CNTNAP5: variants seen among roughly 807,000 people sequenced by gnomAD.
CNTNAP5 encodes the protein contactin associated protein family member 5, also known as contactin-associated protein-like 5.
A neutral mutation model predicts 150.2 loss-of-function variants in CNTNAP5; 72 were observed. That is an observed-to-expected ratio of 0.48 (90% confidence interval 0.40 to 0.58). The LOEUF (loss-of-function observed/expected upper bound fraction) is 0.58, where lower values mean the gene tolerates loss of function less well. Ranked by LOEUF, CNTNAP5 falls within the 20% of genes least tolerant of loss-of-function variation. The probability of loss-of-function intolerance (pLI) is 0.00; values close to 1 mark genes in which losing one functional copy is unlikely to be tolerated. For missense variants in CNTNAP5, 1,636 were observed against 1,626.2 expected, an observed-to-expected ratio of 1.01 and a Z score of -0.10; for synonymous variants, 672 against 619.8, an observed-to-expected ratio of 1.08 and a Z score of -1.25.
intron 1 of CNTNAP5, among the ~76,000 whole-genome samples, chr2:124,048,916 T>A (rs902354365): frequency 2.0e-5 from 3 of 152,264 alleles, no homozygotes; most frequent in African/African-American, 4.8e-5. Context: ...ATGAGTGTTA[T>A]GCAATACGTT....
chr2:124,625,464 C>T (rs185791993), intron 12 of CNTNAP5, among the ~76,000 whole-genome samples: 4 of 152,126 alleles, frequency 2.6e-5, no homozygotes, highest in Admixed American at 1.3e-4. Context: ...GTATAGTATA[C>T]ATAGTATAGT....
chr2:124,780,439 C>T (rs573084535), intron 17 of CNTNAP5, among the ~76,000 whole-genome samples: 91 of 152,318 alleles, frequency 6.0e-4, no homozygotes, highest in African/African-American at 2.2e-3. Context: ...TGTCTCCACA[C>T]ACTAGTGTAC....
rs111970419 is a variant in CNTNAP5 at position 124,800,061 on chromosome 2, G to A, written c.3217+1741G>A. Among the ~76,000 whole-genome samples the A allele has an allele frequency of 1.2e-3, 186 of 152,310 alleles. 1 individual carries two copies. Among genetic ancestry groups the A allele is most frequent in the African/African-American group, 4.4e-3 (181 of 41,578 alleles). ...TTGTGAGGGTGATAAAGCTGACTGA[G>A]GACACTGAGGCATGGAGAAGTTCAG... On this transcript the variant is annotated intron_variant, in intron 19 of 23. Coordinates refer to ENST00000682447, the MANE Select transcript of CNTNAP5 (RefSeq NM_001367498.1).
chr2:124,261,318 A>G (rs1573874317), intron 3 of CNTNAP5, among the ~76,000 whole-genome samples: 1 of 152,216 alleles, frequency 6.6e-6, no homozygotes, highest in South Asian at 2.1e-4. Flanking sequence ...AACTCCCAAC[A>G]ATCTTCCCTC....
intron 2 of CNTNAP5, among the ~76,000 whole-genome samples, chr2:124,224,902 A>G (rs1006227988): frequency 3.9e-5 from 6 of 152,154 alleles, no homozygotes; most frequent in African/African-American, 1.4e-4. Context: ...CTGTCTATGC[A>G]CTGACATGGC....
intron 11 of CNTNAP5, among the ~76,000 whole-genome samples, chr2:124,602,814 A>G (rs183958971): frequency 6.6e-6 from 1 of 152,314 alleles, no homozygotes; most frequent in African/African-American, 2.4e-5. Context: ...TTAGAAACAA[A>G]TTGTGGACAT....
chr2:124,311,780 A>G (rs1408961148), intron 3 of CNTNAP5, among the ~76,000 whole-genome samples: 4 of 152,342 alleles, frequency 2.6e-5, no homozygotes, highest in Non-Finnish European at 5.9e-5. Context: ...AGCTGTCTAT[A>G]TGATGAACTC....
chr2:124,594,977 A>G (rs1696790857), intron 11 of CNTNAP5, among the ~76,000 whole-genome samples: 1 of 113,944 alleles, frequency 8.8e-6, no homozygotes, highest in Admixed American at 1.0e-4. Flanking sequence ...TGATTTTTGT[A>G]CATTGATTTT....
At position 124,473,995 on chromosome 2, in the gene CNTNAP5, A is replaced by T. The variant is rs149224975; in HGVS notation, c.919-744A>T. On this transcript the variant is annotated intron_variant, in intron 6 of 23. Transcript: ENST00000682447. ...GTTTTTGCCATTACTTTTAGTGACA[A>T]AAACCGCAGTTGCTTTTGCCTCAAC... 1.6e-3 allele frequency among the ~76,000 whole-genome samples: 241 copies of T among 152,156 alleles called. 2 individuals carry two copies. The highest frequency in any genetic ancestry group is 9.6e-3 in the Admixed American group (146 of 15,244).
intron 14 of CNTNAP5, among the ~76,000 whole-genome samples, chr2:124,748,956 C>A (rs951837498): frequency 3.9e-5 from 6 of 152,258 alleles, no homozygotes; most frequent in South Asian, 4.1e-4. Flanking sequence ...CTCATTATTG[C>A]GGATGCCTAC....
chr2:124,428,909 C>T (rs1394879242), intron 4 of CNTNAP5, among the ~76,000 whole-genome samples: 2 of 152,100 alleles, frequency 1.3e-5, no homozygotes, highest in Non-Finnish European at 2.9e-5. Flanking sequence ...AGTGATCACA[C>T]ATTTCCCATC....
intron 13 of CNTNAP5, among the ~76,000 whole-genome samples, chr2:124,688,794 G>T (rs534618771): frequency 1.3e-5 from 2 of 152,206 alleles, no homozygotes; most frequent in African/African-American, 4.8e-5. Context: ...ACATCTGAGA[G>T]TTAATTATTA....
Position 124,742,469 on chromosome 2 carries a change from C to T in CNTNAP5, c.2078-4760C>T, listed in dbSNP as rs533459995. 2.6e-5 allele frequency among the ~76,000 whole-genome samples: 4 copies of T among 152,174 alleles called. No homozygotes were observed. In the South Asian group the frequency reaches 8.3e-4, roughly 32 times the overall value. On this transcript the variant is annotated intron_variant, in intron 13 of 23. Coordinates refer to ENST00000682447, the MANE Select transcript of CNTNAP5 (RefSeq NM_001367498.1). ...TAGGGAGATCCTGAGAAGGTTCCAG[C>T]ACTCAATGCTGACATTGCGTTGTGC...
chr2:124,486,722 A>G (rs1693888713), intron 7 of CNTNAP5, among the ~76,000 whole-genome samples: 1 of 152,218 alleles, frequency 6.6e-6, no homozygotes, highest in African/African-American at 2.4e-5. Context: ...CCACAAGTAT[A>G]GGCCTAGGCT....
At position 124,122,940 on chromosome 2, in the gene CNTNAP5, T is replaced by A. The variant is rs114831234; in HGVS notation, c.82+97208T>A. 2.9e-3 allele frequency among the ~76,000 whole-genome samples: 442 copies of A among 151,780 alleles called. 5 individuals carry two copies. The highest frequency in any genetic ancestry group is 0.01 in the African/African-American group (424 of 41,428). On this transcript the variant is annotated intron_variant, in intron 1 of 23. Coordinates refer to ENST00000682447, the MANE Select transcript of CNTNAP5 (RefSeq NM_001367498.1). The stretch of plus-strand genomic sequence containing the variant: ...TATCTCACATTAAGAAGCAGATGAG[T>A]TTTTTTCAGTCCAAGATGGCCAAAT...
intron 3 of CNTNAP5, among the ~76,000 whole-genome samples, chr2:124,271,539 T>C (rs1687751710): frequency 6.6e-6 from 1 of 152,186 alleles, no homozygotes; most frequent in Non-Finnish European, 1.5e-5. Context: ...AAGGAAAAGG[T>C]AATGGAGTCA....
chr2:124,791,856 C>T (rs1681741795), intron 18 of CNTNAP5, among the ~76,000 whole-genome samples: 2 of 152,060 alleles, frequency 1.3e-5, no homozygotes, highest in Admixed American at 1.3e-4. Flanking sequence ...TGTGCCTAGC[C>T]TTTTCATATG....
intron 21 of CNTNAP5, among the ~76,000 whole-genome samples, chr2:124,888,998 T>A (rs768304189): frequency 6.6e-6 from 1 of 151,704 alleles, no homozygotes; most frequent in Non-Finnish European, 1.5e-5. Flanking sequence ...GAGGATGTGG[T>A]CATAAATTAT....
intron 1 of CNTNAP5, among the ~76,000 whole-genome samples, chr2:124,148,853 TAGAG>T (rs141724314): frequency 0.086 from 12,981 of 151,454 alleles, 751 homozygotes; most frequent in Non-Finnish European, 0.13. Flanking sequence ...TATGCATCTA[TAGAG>T]AGAGAGGTGT....
Sources: gnomAD v4.1 joint callset for allele counts (sites outside exome capture counted in the v4.1 genomes callset) on GRCh38, gnomAD v4.1.1 for gene constraint, MANE v1.5 for transcripts, NCBI Gene and HGNC (gene_info 2026-07-23, HGNC 2026-07-21) for gene names.